The following ASTN2 variants were observed in gnomAD, a reference collection of about 807,000 sequenced individuals.
ASTN2 encodes the protein astrotactin-2.
Under a neutral mutation model 139.8 loss-of-function variants are expected in ASTN2, and 54 were observed. The ratio of observed to expected loss-of-function variants is 0.39; its 90% confidence interval spans 0.31 to 0.48. ASTN2 has a LOEUF of 0.48. ASTN2 is among the 20% of genes least tolerant of loss of function. The probability of loss-of-function intolerance (pLI) is 0.95; values close to 1 mark genes in which losing one functional copy is unlikely to be tolerated. For missense variants in ASTN2, 1,565 were observed against 1,725.1 expected (o/e 0.91, Z 1.64); for synonymous variants, 756 against 719.5 (o/e 1.05, Z -0.81).
At chr9:117,178,738 A>C (rs1336334505) in intron 3 of ASTN2, among the ~76,000 whole-genome samples, 2 of 152,214 alleles carry the variant, frequency 1.3e-5, no homozygotes, top group Non-Finnish European at 2.9e-5. Context: ...GCAGGCAGGG[A>C]AATCAAAGTG....
intron 15 of ASTN2, 62 bp downstream of exon 15, chr9:116,728,930 G>A (rs1828704168): frequency 1.4e-6 from 2 of 1,383,040 alleles, no homozygotes; most frequent in African/African-American, 1.4e-5. Context: ...CACATGCTAG[G>A]TCCTTGGCAA....
At position 116,987,916 on chromosome 9, in the gene ASTN2, G is replaced by T. The variant is rs191994879; in HGVS notation, c.1592-11131C>A. On this transcript the variant is annotated intron_variant, in intron 7 of 22. Transcript: ENST00000313400. ...ATGACCAGCAATTAGCATATACAGC[G>T]TGGATACTATGGACAAGGGAATGAT... 2.0e-5 allele frequency among the ~76,000 whole-genome samples: 3 copies of T among 152,196 alleles called. No individual in the cohort carries two copies. In the East Asian group the frequency reaches 5.8e-4, roughly 29 times the overall value.
chr9:116,815,115 C>T (rs1831274023), intron 12 of ASTN2, among the ~76,000 whole-genome samples: 1 of 152,206 alleles, frequency 6.6e-6, no homozygotes, highest in African/African-American at 2.4e-5. Flanking sequence ...ATTCCCCCAT[C>T]TCCCACCAAC....
chr9:116,999,548 CTTTTTTTTTTTTTTTTT>C (rs71379248), intron 7 of ASTN2, among the ~76,000 whole-genome samples: 9 of 94,920 alleles, frequency 9.5e-5, no homozygotes, highest in East Asian at 3.2e-4. Context: ...TTCTCTCTTT[CTTTTTTTTTTTTTTTTT>C]TTTTTTTTTT....
chr9:116,605,060 AGAG>A (rs2131774811), intron 19 of ASTN2, among the ~76,000 whole-genome samples: 1 of 152,112 alleles, frequency 6.6e-6, no homozygotes, highest in Non-Finnish European at 1.5e-5. Context: ...AGAGAGACAG[AGAG>A]CCACCAAGGG....
intron 19 of ASTN2, among the ~76,000 whole-genome samples, chr9:116,537,082 C>T (rs993197619): frequency 2.0e-5 from 3 of 152,230 alleles, no homozygotes; most frequent in South Asian, 2.1e-4. Flanking sequence ...AGCCTTGCTG[C>T]TGCCTTGCAG....
At chr9:117,180,823 T>C in intron 3 of ASTN2, 1 of 1,548,816 alleles carries the variant, frequency 6.5e-7, no homozygotes, top group Middle Eastern at 1.7e-4. Flanking sequence ...AACATTGAAC[T>C]TGGTGAAGCC....
At chr9:117,191,492 A>G (rs1205358035) in intron 3 of ASTN2, among the ~76,000 whole-genome samples, 1 of 152,238 alleles carries the variant, frequency 6.6e-6, no homozygotes, top group African/African-American at 2.4e-5. Flanking sequence ...ATGAGCATGC[A>G]TAACTTTTAT....
rs1830762469 is a variant in ASTN2 at position 117,170,327 on chromosome 9, T to C, written c.1016-28849A>G. 3.9e-5 allele frequency among the ~76,000 whole-genome samples: 6 copies of C among 152,108 alleles called. No individual in the cohort carries two copies. In the South Asian group the frequency reaches 1.2e-3, roughly 32 times the overall value. Reference sequence around the variant, plus strand: ...TCCCATTGTGTGTCTCATCCTTATATGACCTCAGTTGCAATCTTCTTCAGA... The same window carrying C: ...TCCCATTGTGTGTCTCATCCTTATACGACCTCAGTTGCAATCTTCTTCAGA... On this transcript the variant is annotated intron_variant, in intron 3 of 22. Coordinates refer to ENST00000313400, the MANE Select transcript of ASTN2 (RefSeq NM_001365068.1).
intron 2 of ASTN2, among the ~76,000 whole-genome samples, chr9:117,227,740 C>T (rs1009630444): frequency 3.3e-5 from 5 of 152,102 alleles, no homozygotes; most frequent in African/African-American, 1.2e-4. Flanking sequence ...CTGTTAACTC[C>T]TCTCTCTCTA....
intron 13 of ASTN2, among the ~76,000 whole-genome samples, chr9:116,790,072 C>A (rs1392723563): frequency 6.6e-6 from 1 of 151,772 alleles, no homozygotes; most frequent in Non-Finnish European, 1.5e-5. Context: ...ATTACAGGCA[C>A]TCACAACCAC....
chr9:116,689,434 C>T (rs1347693179), intron 16 of ASTN2, among the ~76,000 whole-genome samples: 1 of 152,132 alleles, frequency 6.6e-6, no homozygotes, highest in Non-Finnish European at 1.5e-5. Context: ...CTTGTATCTA[C>T]TTCTTTACTC....
chr9:117,255,700 C>T (rs1052153034), intron 2 of ASTN2, among the ~76,000 whole-genome samples: 27 of 152,186 alleles, frequency 1.8e-4, no homozygotes, highest in Admixed American at 4.6e-4. Context: ...CGGGAGAACA[C>T]GGAGGAGACA....
intron 2 of ASTN2, among the ~76,000 whole-genome samples, chr9:117,227,057 G>C (rs533419973): frequency 1.3e-5 from 2 of 152,264 alleles, no homozygotes; most frequent in Non-Finnish European, 2.9e-5. Flanking sequence ...TCTGAAGGGA[G>C]CTGGCAGCAT....
chr9:117,173,381 G>A (rs1483924247), intron 3 of ASTN2, among the ~76,000 whole-genome samples: 1 of 152,048 alleles, frequency 6.6e-6, no homozygotes, highest in Non-Finnish European at 1.5e-5. Context: ...GTCAATAAAA[G>A]TAACAGGTAG....
At chr9:116,985,624 C>A (rs1449921082) in intron 7 of ASTN2, among the ~76,000 whole-genome samples, 1 of 152,192 alleles carries the variant, frequency 6.6e-6, no homozygotes, top group East Asian at 1.9e-4. Flanking sequence ...AAGCATGTGG[C>A]AAAGAGCTTC....
chr9:116,975,466 ATTAT>A, intron 9 of ASTN2, 121 bp from the exon 10 acceptor site: 1 of 1,011,978 alleles, frequency 9.9e-7, no homozygotes, highest in Non-Finnish European at 1.4e-6. Context: ...TATCCCCAGC[ATTAT>A]TTAAGGAACA....
intron 13 of ASTN2, among the ~76,000 whole-genome samples, chr9:116,797,396 GAA>G (rs1830729176): frequency 6.6e-6 from 1 of 151,674 alleles, no homozygotes; most frequent in African/African-American, 2.4e-5. Context: ...CCACACAAAA[GAA>G]AAGAGGTTTT....
At chr9:117,052,462 T>C (rs1838942640) in intron 5 of ASTN2, among the ~76,000 whole-genome samples, 2 of 148,904 alleles carry the variant, frequency 1.3e-5, no homozygotes, top group Admixed American at 6.7e-5. Flanking sequence ...GAAAGAAAGA[T>C]TAAATAATTA....
Sources: gnomAD v4.1 joint callset for allele counts (sites outside exome capture counted in the v4.1 genomes callset) on GRCh38, gnomAD v4.1.1 for gene constraint, MANE v1.5 for transcripts, NCBI Gene and HGNC (gene_info 2026-07-23, HGNC 2026-07-21) for gene names.